The following GUCY2C variants were observed in gnomAD, a reference collection of about 807,000 sequenced individuals.
The protein encoded by GUCY2C is guanylyl cyclase C.
GUCY2C carries 118 observed loss-of-function variants against 131.1 expected under a neutral mutation model. That is an observed-to-expected ratio of 0.90 (90% CI 0.78 to 1.05). The LOEUF (loss-of-function observed/expected upper bound fraction) is 1.05. Among genes scored for constraint, GUCY2C ranks in the 50% least tolerant of loss-of-function variants. The probability of loss-of-function intolerance (pLI) is 0.00; values close to 1 mark genes in which losing one functional copy is unlikely to be tolerated. For synonymous variants in GUCY2C, 452 were observed against 457.8 expected, an observed-to-expected ratio of 0.99 and a Z score of 0.16; for missense variants, 1,161 against 1,304.4, an observed-to-expected ratio of 0.89 and a Z score of 1.69.
At chr12:14,630,256 G>GTA (rs1947113519) in intron 19 of GUCY2C, among the ~76,000 whole-genome samples, 1 of 151,864 alleles carries the variant, frequency 6.6e-6, no homozygotes, top group Admixed American at 6.6e-5. Flanking sequence ...TAGAGCCGCG[G>GTA]TATAGCCTGT....
chr12:14,665,080 C>A (rs1947948395), intron 10 of GUCY2C, among the ~76,000 whole-genome samples: 1 of 151,984 alleles, frequency 6.6e-6, no homozygotes, highest in Non-Finnish European at 1.5e-5. Flanking sequence ...GCCGCGGTGG[C>A]AGGTGCCTGT....
At chr12:14,662,601 G>A (rs989678520) in intron 10 of GUCY2C, among the ~76,000 whole-genome samples, 2 of 151,266 alleles carry the variant, frequency 1.3e-5, no homozygotes, top group African/African-American at 4.9e-5. Flanking sequence ...GCTTGAACCC[G>A]GGAGGTGGAG....
At chr12:14,650,293 G>A (rs1256418563) in intron 15 of GUCY2C, among the ~76,000 whole-genome samples, 1 of 152,100 alleles carries the variant, frequency 6.6e-6, no homozygotes, top group African/African-American at 2.4e-5. Context: ...CTGTTGCCAG[G>A]TTGGAGTGCA....
At chr12:14,648,871 G>T (rs575923245) in intron 15 of GUCY2C, among the ~76,000 whole-genome samples, 1 of 152,166 alleles carries the variant, frequency 6.6e-6, no homozygotes, top group South Asian at 2.1e-4. Flanking sequence ...GAAGTCAGTT[G>T]TTATTTTATG....
chr12:14,615,379 C>G (rs1946737704), intron 25 of GUCY2C, among the ~76,000 whole-genome samples: 1 of 151,940 alleles, frequency 6.6e-6, no homozygotes, highest in African/African-American at 2.4e-5. Flanking sequence ...TACAGTTTCC[C>G]TATCTTATTA....
At chr12:14,666,994 C>T (rs1947994861) in intron 10 of GUCY2C, among the ~76,000 whole-genome samples, 1 of 151,978 alleles carries the variant, frequency 6.6e-6, no homozygotes, top group South Asian at 2.1e-4. Context: ...ATTTAATGTT[C>T]ACTTTAGGAA....
At chr12:14,617,250 A>C (rs1946785194) in intron 24 of GUCY2C, among the ~76,000 whole-genome samples, 2 of 152,184 alleles carry the variant, frequency 1.3e-5, no homozygotes, top group African/African-American at 4.8e-5. Context: ...TCTTATAAAT[A>C]ACCCAGTCTC....
Position 14,672,961 on chromosome 12 carries a change from A to C in GUCY2C, c.1085-3T>G. ...CAAGGTCACTGGACCGTCATACCCT[A>C]GGGCAAGATCAGAGTATGTTAGAGG... On this transcript the variant is annotated splice_region_variant and splice_polypyrimidine_tract_variant and intron_variant, in intron 8 of 26. Transcript: ENST00000261170. 6.4e-7 allele frequency: 1 copy of C among 1,569,716 alleles called. No homozygotes were observed. The highest frequency in any genetic ancestry group is 8.8e-7 in the Non-Finnish European group (1 of 1,139,592).
rs373503963 is a variant in GUCY2C at position 14,693,447 on chromosome 12, G to A, written c.217+2785C>T. 2.3e-4 allele frequency among the ~76,000 whole-genome samples: 35 copies of A among 152,092 alleles called. 1 individual carries two copies. Among genetic ancestry groups the A allele is most frequent in the African/African-American group, 8.4e-4 (35 of 41,502 alleles). On this transcript the variant is annotated intron_variant, in intron 1 of 26. Coordinates refer to ENST00000261170, the MANE Select transcript of GUCY2C (RefSeq NM_004963.4). ...CCACTAGATCCTGAATGTTCTTCAA[G>A]ACCCTCAAAGCTTTCCTGATTCCTA...
At chr12:14,655,271 A>G (rs955129458) in intron 12 of GUCY2C, among the ~76,000 whole-genome samples, 1 of 152,218 alleles carries the variant, frequency 6.6e-6, no homozygotes, top group Non-Finnish European at 1.5e-5. Context: ...TCTCTTTGGA[A>G]ATTCAGTAGC....
At chr12:14,620,538 A>G (rs1275816735) in intron 23 of GUCY2C, among the ~76,000 whole-genome samples, 1 of 152,208 alleles carries the variant, frequency 6.6e-6, no homozygotes, top group Non-Finnish European at 1.5e-5. Context: ...AGGCTATGTA[A>G]CTTTCATGGT....
chr12:14,658,040 T>G (rs1947796254), intron 11 of GUCY2C, among the ~76,000 whole-genome samples: 1 of 152,210 alleles, frequency 6.6e-6, no homozygotes, highest in African/African-American at 2.4e-5. Flanking sequence ...TACTTTGCAT[T>G]TTCTTGATTA....
At chr12:14,691,237 T>G (rs1028639246) in intron 1 of GUCY2C, among the ~76,000 whole-genome samples, 4 of 152,196 alleles carry the variant, frequency 2.6e-5, no homozygotes, top group Non-Finnish European at 5.9e-5. Context: ...AGTACTTTGG[T>G]AGGACTAGCC....
intron 16 of GUCY2C, among the ~76,000 whole-genome samples, chr12:14,644,408 G>C (rs1947471018): frequency 6.6e-6 from 1 of 152,168 alleles, no homozygotes; most frequent in Admixed American, 6.6e-5. Flanking sequence ...GTTTTTGGCT[G>C]ATGTGCTTCT....
At chr12:14,629,495 T>C (rs1287505813) in intron 19 of GUCY2C, among the ~76,000 whole-genome samples, 3 of 152,224 alleles carry the variant, frequency 2.0e-5, no homozygotes, top group Admixed American at 6.5e-5. Context: ...AATGCATACT[T>C]ACATGTAGAC....
In GUCY2C at chr12:14,622,213, G is replaced by GA. The variant is rs530469425; in HGVS notation, c.2409-17dup. 38 of 1,454,410 alleles carry GA rather than the reference G, an allele frequency of 2.6e-5. No homozygotes were observed. The highest frequency in any genetic ancestry group is 1.9e-4 in the Middle Eastern group (1 of 5,190). The allele number at this position is 1,454,410 out of a possible 1,614,324, so 90.1% of individuals were successfully genotyped here. Reference sequence around the variant, plus strand: ...TACCACTAGCCTAGATGAACGAAGGGAAAAAAAATGCCTTCAACTTCAGCA... The same window carrying GA: ...TACCACTAGCCTAGATGAACGAAGGGAAAAAAAAATGCCTTCAACTTCAGCA... On this transcript the variant is annotated splice_polypyrimidine_tract_variant and intron_variant, in intron 21 of 26. Coordinates refer to ENST00000261170, the MANE Select transcript of GUCY2C (RefSeq NM_004963.4).
At chr12:14,639,125 C>A (rs1947341750) in intron 19 of GUCY2C, among the ~76,000 whole-genome samples, 1 of 151,970 alleles carries the variant, frequency 6.6e-6, no homozygotes, top group South Asian at 2.1e-4. Flanking sequence ...TGGTGAAACC[C>A]CATCTCTACT....
At chr12:14,665,367 C>T (rs190686966) in intron 10 of GUCY2C, among the ~76,000 whole-genome samples, 13 of 151,996 alleles carry the variant, frequency 8.6e-5, no homozygotes, top group African/African-American at 1.2e-4. Context: ...ATTTGCATGA[C>T]GCTTTAAGGA....
chr12:14,692,981 G>C (rs1329469100), intron 1 of GUCY2C, among the ~76,000 whole-genome samples: 1 of 151,980 alleles, frequency 6.6e-6, no homozygotes, highest in African/African-American at 2.4e-5. Context: ...TTAATTTGGT[G>C]GGGGTAATGT....
Sources: allele counts gnomAD v4.1 joint callset (sites outside exome capture counted in the v4.1 genomes callset), GRCh38; gene constraint gnomAD v4.1.1; transcripts MANE v1.5; gene names NCBI Gene and HGNC (gene_info 2026-07-23, HGNC 2026-07-21).